ADAMTS19: variants seen among roughly 807,000 people sequenced by gnomAD.
ADAMTS19 encodes ADAM metallopeptidase with thrombospondin type 1 motif 19.
A neutral mutation model predicts 153.3 loss-of-function variants in ADAMTS19; 93 were observed. The observed-to-expected ratio is 0.61, with a 90% CI of 0.51 to 0.72. The LOEUF is 0.72. Among genes scored for constraint, ADAMTS19 ranks in the 30% least tolerant of loss-of-function variants. The probability of loss-of-function intolerance (pLI) is 0.00; values close to 1 mark genes in which losing one functional copy is unlikely to be tolerated. For synonymous variants in ADAMTS19, 600 were observed against 556.6 expected (o/e 1.08, Z -1.10); for missense variants, 1,482 against 1,552.1 (o/e 0.95, Z 0.76).
In ADAMTS19 at chr5:129,732,861, A is replaced by G. The variant is rs111956899; in HGVS notation, c.3313-2071A>G. Among the ~76,000 whole-genome samples the G allele has an allele frequency of 5.9e-5, 9 of 152,216 alleles. 3 individuals are homozygous for G. The highest frequency in any genetic ancestry group is 2.2e-4 in the African/African-American group (9 of 41,560). ...CAAAATAGCCTGAATAGCTGAAGCAATCCTAAGTAAAGAACAAAGCTGGAG... is the reference window on the plus strand; with the variant it reads ...CAAAATAGCCTGAATAGCTGAAGCAGTCCTAAGTAAAGAACAAAGCTGGAG... On this transcript the variant is annotated intron_variant, in intron 21 of 22. Coordinates refer to ENST00000274487, the MANE Select transcript of ADAMTS19 (RefSeq NM_133638.6).
chr5:129,539,242 G>A (rs186011648), intron 6 of ADAMTS19, among the ~76,000 whole-genome samples: 51 of 152,226 alleles, frequency 3.4e-4, no homozygotes, highest in African/African-American at 1.2e-3. Flanking sequence ...GCATATTTGA[G>A]TGGTTCAGTG....
chr5:129,624,532 C>A (rs1462049606), intron 10 of ADAMTS19, among the ~76,000 whole-genome samples: 1 of 152,122 alleles, frequency 6.6e-6, no homozygotes, highest in Non-Finnish European at 1.5e-5. Context: ...GAGCATTGCA[C>A]AGGAGACAGT....
chr5:129,606,966 G>T (rs1561598477), intron 8 of ADAMTS19, among the ~76,000 whole-genome samples: 1 of 152,000 alleles, frequency 6.6e-6, no homozygotes, highest in Non-Finnish European at 1.5e-5. Context: ...TGCCCAGACT[G>T]GAGTGCAGTG....
At chr5:129,536,909 TG>T (rs1304499803) in intron 6 of ADAMTS19, among the ~76,000 whole-genome samples, 1 of 111,890 alleles carries the variant, frequency 8.9e-6, no homozygotes, top group African/African-American at 3.4e-5. Context: ...GGGACTGTTG[TG>T]GGGTGGCGGG....
chr5:129,633,090 T>C (rs1413144766), intron 10 of ADAMTS19, among the ~76,000 whole-genome samples: 1 of 152,112 alleles, frequency 6.6e-6, no homozygotes, highest in Admixed American at 6.6e-5. Context: ...CCTTTCTCCT[T>C]CAGAGTGGGT....
chr5:129,538,573 C>T (rs1025412798), intron 6 of ADAMTS19, among the ~76,000 whole-genome samples: 1 of 151,890 alleles, frequency 6.6e-6, no homozygotes, highest in Non-Finnish European at 1.5e-5. Context: ...CACAAGAATT[C>T]TATTAAAAGG....
At chr5:129,628,389 C>T (rs1489704921) in intron 10 of ADAMTS19, among the ~76,000 whole-genome samples, 1 of 151,876 alleles carries the variant, frequency 6.6e-6, no homozygotes, top group South Asian at 2.1e-4. Flanking sequence ...ATCATCTGTA[C>T]AACAAACCCC....
chr5:129,730,928 T>G (rs990628329), intron 21 of ADAMTS19, among the ~76,000 whole-genome samples: 2 of 147,326 alleles, frequency 1.4e-5, no homozygotes, highest in African/African-American at 2.5e-5. Context: ...TGTTGTTGTT[T>G]TTTTGTTTTG....
chr5:129,731,346 GA>G (rs1256157221), intron 21 of ADAMTS19, among the ~76,000 whole-genome samples: 1 of 152,056 alleles, frequency 6.6e-6, no homozygotes, highest in Non-Finnish European at 1.5e-5. Flanking sequence ...AAATTGCATG[GA>G]AATGATTAGT....
intron 11 of ADAMTS19, among the ~76,000 whole-genome samples, chr5:129,644,539 T>C (rs773902336): frequency 6.6e-6 from 1 of 152,212 alleles, no homozygotes; most frequent in Non-Finnish European, 1.5e-5. Flanking sequence ...CTGAATGATT[T>C]TGAACAAAGA....
intron 7 of ADAMTS19, among the ~76,000 whole-genome samples, chr5:129,563,004 T>G (rs1210822385): frequency 6.6e-6 from 1 of 152,078 alleles, no homozygotes; most frequent in African/African-American, 2.4e-5. Context: ...AGGAAGCAAC[T>G]GCCAAAAAGA....
At position 129,491,866 on chromosome 5, in the gene ADAMTS19, A is replaced by T. The variant is rs56937175; in HGVS notation, c.748-17211A>T. 4.4e-3 allele frequency among the ~76,000 whole-genome samples: 671 copies of T among 152,320 alleles called. 6 individuals carry two copies. The highest frequency in any genetic ancestry group is 0.015 in the African/African-American group (624 of 41,568). On this transcript the variant is annotated intron_variant, in intron 2 of 22. Transcript: ENST00000274487. The stretch of plus-strand genomic sequence containing the variant: ...TGTTACTTAATTATTATTTAAAAAA[A>T]CTCACAATATTTGCATTTTCTTGTG...
chr5:129,652,215 G>A (rs1049061016), intron 13 of ADAMTS19, among the ~76,000 whole-genome samples: 1 of 152,140 alleles, frequency 6.6e-6, no homozygotes, highest in African/African-American at 2.4e-5. Flanking sequence ...AAACTCATCA[G>A]TCTATATTTC....
At chr5:129,545,660 G>C (rs560310840) in intron 6 of ADAMTS19, among the ~76,000 whole-genome samples, 2,452 of 149,252 alleles carry the variant, frequency 0.016, 58 homozygotes, top group African/African-American at 0.059. Flanking sequence ...GGCCATCAGA[G>C]AAATGCAAAT....
Position 129,680,639 on chromosome 5 carries a change from G to GT in ADAMTS19, c.2664+719dup, listed in dbSNP as rs559737703. 2.2e-4 allele frequency among the ~76,000 whole-genome samples: 33 copies of GT among 152,038 alleles called. No individual in the cohort carries two copies. In the South Asian group the frequency reaches 6.9e-3, roughly 32 times the overall value. ...TAGCTGGGCATGGTGACGCATGCCT[G>GT]TAATCCCAGCTACTCAGGAGGCTGA... On this transcript the variant is annotated intron_variant, in intron 17 of 22. Transcript: ENST00000274487.
chr5:129,608,116 G>GTGTGTGTGTGTATA (rs377008786), intron 8 of ADAMTS19, among the ~76,000 whole-genome samples: 59 of 47,952 alleles, frequency 1.2e-3, no homozygotes, highest in Non-Finnish European at 2.3e-3. Flanking sequence ...GTGTGTGTGT[G>GTGTGTGTGTGTATA]TATATATATA....
intron 7 of ADAMTS19, among the ~76,000 whole-genome samples, chr5:129,568,833 A>G (rs1753801803): frequency 6.6e-6 from 1 of 152,106 alleles, no homozygotes; most frequent in Admixed American, 6.6e-5. Flanking sequence ...TAAATAAATA[A>G]ATAATTAAAC....
intron 6 of ADAMTS19, among the ~76,000 whole-genome samples, chr5:129,542,984 T>C (rs1035130977): frequency 6.6e-6 from 1 of 151,926 alleles, no homozygotes; most frequent in African/African-American, 2.4e-5. Flanking sequence ...CAGCCATCTT[T>C]AAATTATCAA....
chr5:129,561,929 A>G (rs1342849688), intron 7 of ADAMTS19, among the ~76,000 whole-genome samples: 1 of 152,130 alleles, frequency 6.6e-6, no homozygotes, highest in Non-Finnish European at 1.5e-5. Context: ...AGAAGCTGTC[A>G]AGCTCATGGT....
Sources: gnomAD v4.1 joint callset for allele counts (sites outside exome capture counted in the v4.1 genomes callset) on GRCh38, gnomAD v4.1.1 for gene constraint, MANE v1.5 for transcripts, NCBI Gene and HGNC (gene_info 2026-07-23, HGNC 2026-07-21) for gene names.